The following AFG2A variants were observed in gnomAD, a reference collection of about 807,000 sequenced individuals.
AFG2A encodes the protein AAA ATPase AFG2A.
the AFG2A span, among the ~76,000 whole-genome samples, chr4:122,949,341 C>T: frequency 1.3e-5 from 2 of 152,130 alleles, no homozygotes; most frequent in African/African-American, 4.8e-5. Context: ...TATGCCATCT[C>T]ACGTTGTTGG....
chr4:123,076,114 T>A, the AFG2A span, among the ~76,000 whole-genome samples: 2 of 151,848 alleles, frequency 1.3e-5, no homozygotes, highest in South Asian at 2.1e-4. Flanking sequence ...ATAAAAAATT[T>A]AAAAAAATTA....
chr4:123,275,583 A>C, the AFG2A span, among the ~76,000 whole-genome samples: 3 of 152,034 alleles, frequency 2.0e-5, no homozygotes, highest in Non-Finnish European at 2.9e-5. Flanking sequence ...TGTACAGATC[A>C]TTTCATCATG....
chr4:123,251,797 C>T, the AFG2A span, among the ~76,000 whole-genome samples: 2 of 151,910 alleles, frequency 1.3e-5, no homozygotes, highest in East Asian at 1.9e-4. Context: ...TTAAGGTGTA[C>T]AGAATTGTCT....
At chr4:122,954,306 C>T in the AFG2A span, among the ~76,000 whole-genome samples, 4 of 152,196 alleles carry the variant, frequency 2.6e-5, no homozygotes, top group Admixed American at 2.6e-4. Context: ...TCAACTGTCT[C>T]TCTTCCTGAA....
the AFG2A span, among the ~76,000 whole-genome samples, chr4:123,228,845 A>AT: frequency 5.4e-4 from 82 of 152,112 alleles, no homozygotes; most frequent in Admixed American, 1.4e-3. Flanking sequence ...CATAACTTAA[A>AT]TTTGATAGGT....
chr4:122,927,226 G>C, the AFG2A span, among the ~76,000 whole-genome samples: 2 of 152,184 alleles, frequency 1.3e-5, no homozygotes, highest in Non-Finnish European at 2.9e-5. Flanking sequence ...TGGGGCAGAA[G>C]TAGAAACATA....
chr4:123,033,599 A>G, the AFG2A span, among the ~76,000 whole-genome samples: 2 of 152,248 alleles, frequency 1.3e-5, no homozygotes, highest in African/African-American at 4.8e-5. Context: ...AAACTGTTCA[A>G]TGAAATAGAA....
At chr4:122,964,774 A>T in the AFG2A span, among the ~76,000 whole-genome samples, 3,296 of 152,308 alleles carry the variant, frequency 0.022, 60 homozygotes, top group Non-Finnish European at 0.036. Flanking sequence ...AGTTTAAGTT[A>T]CAGCAGTCAC....
At chr4:122,946,455 G>T in the AFG2A span, among the ~76,000 whole-genome samples, 1 of 152,102 alleles carries the variant, frequency 6.6e-6, no homozygotes, top group East Asian at 1.9e-4. Context: ...TCATAGATTC[G>T]CTGTAGTCCA....
At chr4:122,931,316 T>C in the AFG2A span, among the ~76,000 whole-genome samples, 1 of 152,160 alleles carries the variant, frequency 6.6e-6, no homozygotes, top group Admixed American at 6.5e-5. Flanking sequence ...CCCCTCATTG[T>C]ATTTCTCTCT....
chr4:123,154,367 A>G, the AFG2A span, among the ~76,000 whole-genome samples: 2 of 152,216 alleles, frequency 1.3e-5, no homozygotes, highest in African/African-American at 4.8e-5. Flanking sequence ...AAATGGAAAC[A>G]TATCCTTATA....
chr4:123,103,528 G>GT, the AFG2A span, among the ~76,000 whole-genome samples: 2 of 151,996 alleles, frequency 1.3e-5, no homozygotes, highest in Admixed American at 6.6e-5. Context: ...AAATTATGAC[G>GT]TATCATCAGC....
chr4:123,280,972 T>C, the AFG2A span, among the ~76,000 whole-genome samples: 1 of 152,186 alleles, frequency 6.6e-6, no homozygotes, highest in Non-Finnish European at 1.5e-5. Flanking sequence ...GCTGGTACCA[T>C]AAATTTTCAG....
chr4:123,077,043 G>GTT, the AFG2A span, among the ~76,000 whole-genome samples: 1 of 71,902 alleles, frequency 1.4e-5, no homozygotes, highest in African/African-American at 3.6e-5. Context: ...TTTTCCTGTT[G>GTT]TTGTTTTTTT....
the AFG2A span, among the ~76,000 whole-genome samples, chr4:123,010,031 G>C: frequency 6.6e-6 from 1 of 152,108 alleles, no homozygotes; most frequent in Non-Finnish European, 1.5e-5. Flanking sequence ...AAGGAAGCCA[G>C]AAGGGAGAAC....
the AFG2A span, among the ~76,000 whole-genome samples, chr4:123,264,454 G>A: frequency 1.1e-4 from 17 of 152,152 alleles, no homozygotes; most frequent in African/African-American, 3.6e-4. Context: ...AATATTAAAA[G>A]TAAGGTGGAT....
the AFG2A span, among the ~76,000 whole-genome samples, chr4:122,923,832 G>C: frequency 1.3e-5 from 2 of 152,170 alleles, no homozygotes; most frequent in African/African-American, 4.8e-5. Flanking sequence ...GATGGGTATA[G>C]TAATGACAGT....
the AFG2A span, among the ~76,000 whole-genome samples, chr4:123,017,233 A>AC: frequency 8.0e-6 from 1 of 125,674 alleles, no homozygotes; most frequent in African/African-American, 3.4e-5. Flanking sequence ...GGGGAGAGGG[A>AC]AAGGGAGAGG....
At chr4:122,997,482 T>G in the AFG2A span, among the ~76,000 whole-genome samples, 1 of 152,238 alleles carries the variant, frequency 6.6e-6, no homozygotes. Context: ...TAATTTTTTT[T>G]AACTGCCAGA....
Sources: allele counts gnomAD v4.1 joint callset (sites outside exome capture counted in the v4.1 genomes callset), GRCh38; gene constraint gnomAD v4.1.1; transcripts MANE v1.5; gene names NCBI Gene and HGNC (gene_info 2026-07-23, HGNC 2026-07-21).